The following PIEZO2 variants were observed in gnomAD, a reference collection of about 807,000 sequenced individuals.
PIEZO2 encodes piezo type mechanosensitive ion channel component 2.
In PIEZO2, 172 loss-of-function variants were observed where a neutral mutation model predicts 337.3. The observed-to-expected ratio is 0.51, with a 90% confidence interval of 0.45 to 0.58. The LOEUF (loss-of-function observed/expected upper bound fraction) is 0.58, where lower values mean the gene tolerates loss of function less well. PIEZO2 is among the 20% of genes least tolerant of loss of function. PIEZO2 has a pLI of 0.00. For synonymous variants in PIEZO2, 1,251 were observed against 1,228.5 expected, an observed-to-expected ratio of 1.02 and a Z score of -0.38; for missense variants, 3,028 against 3,391.3, an observed-to-expected ratio of 0.89 and a Z score of 2.66.
rs1306898298 is a variant in PIEZO2, at chr18:11,031,314, A to G, written c.160+34813T>C. 1.3e-5 allele frequency among the ~76,000 whole-genome samples: 2 copies of G among 151,610 alleles called. No homozygotes were observed. Among genetic ancestry groups the G allele is most frequent in the African/African-American group, 2.4e-5 (1 of 41,288 alleles). The stretch of plus-strand genomic sequence containing the variant: ...GCGCCTGGCCTGGAATTTTTTTTTA[A>G]TAAGCCCATCAGGACCTTTCATAAC... On this transcript the variant is annotated intron_variant, in intron 2 of 55. Coordinates refer to ENST00000674853, the MANE Select transcript of PIEZO2 (RefSeq NM_001378183.1). The surrounding 1 kb of genome is among the most constrained non-coding windows in gnomAD (Gnocchi z 4.7).
At chr18:10,818,600 CAT>C (rs1260503303) in intron 7 of PIEZO2, among the ~76,000 whole-genome samples, 1 of 152,126 alleles carries the variant, frequency 6.6e-6, no homozygotes, top group Non-Finnish European at 1.5e-5. Flanking sequence ...ATAAGAATTG[CAT>C]ACTGAGAATT....
rs936263537 is a variant in PIEZO2, at chr18:10,872,194, C to T, written c.330-779G>A. On this transcript the variant is annotated intron_variant, in intron 4 of 55. Coordinates refer to ENST00000674853, the MANE Select transcript of PIEZO2 (RefSeq NM_001378183.1). This position sits in a 1 kb window ranked among gnomAD's most constrained non-coding sequence, Gnocchi z 4.3. ...AATGAAACACATATTTTCACTAAGC[C>T]TACATTTTGAGAAGAGCAGCATCAA... 6.6e-6 allele frequency among the ~76,000 whole-genome samples: 1 copy of T among 152,122 alleles called. No individual in the cohort carries two copies. The highest frequency in any genetic ancestry group is 1.5e-5 in the Non-Finnish European group (1 of 68,030).
intron 36 of PIEZO2, among the ~76,000 whole-genome samples, chr18:10,721,859 A>G (rs1355925906): frequency 1.3e-5 from 2 of 152,204 alleles, no homozygotes; most frequent in Admixed American, 6.5e-5. Flanking sequence ...TTCATAGAAT[A>G]AAAATTTAAG....
rs373983612 is a variant in PIEZO2, at chr18:11,009,514, C to T, written c.161-29854G>A. 1.6e-4 allele frequency among the ~76,000 whole-genome samples: 24 copies of T among 152,264 alleles called. No individual in the cohort carries two copies. The South Asian group carries it at 2.7e-3, about 17-fold the overall frequency. ...CTGGTTGAGGCGCGTGTGAGAGCAG[C>T]GTATGAGAGTAGCAGCACCTTTCTT... On this transcript the variant is annotated intron_variant, in intron 2 of 55. Transcript: ENST00000674853. This position sits in a 1 kb window ranked among gnomAD's most constrained non-coding sequence, Gnocchi z 4.6.
chr18:11,013,711 C>G lies in PIEZO2; in HGVS notation c.161-34051G>C, dbSNP rs367663772. 1.1e-4 allele frequency among the ~76,000 whole-genome samples: 16 copies of G among 152,300 alleles called. No individual in the cohort carries two copies. The South Asian group carries it at 2.5e-3, about 24-fold the overall frequency. On this transcript the variant is annotated intron_variant, in intron 2 of 55. Coordinates refer to ENST00000674853, the MANE Select transcript of PIEZO2 (RefSeq NM_001378183.1). ...ATGCAACATTCTAATTCATTAGGAA[C>G]ATTTAGAGTCCACCTGGATGGTCTC...
rs9961728 is a variant in PIEZO2 at position 11,109,185 on chromosome 18, A to G, written c.64+39340T>C. On this transcript the variant is annotated intron_variant, in intron 1 of 55. Transcript: ENST00000674853. This position sits in a 1 kb window ranked among gnomAD's most constrained non-coding sequence, Gnocchi z 5.1. ...AACCACACATCTTGACAACTCCACC[A>G]CGTCCATAACCTCATGGAAGTGCAG... 0.11 allele frequency among the ~76,000 whole-genome samples: 16,981 copies of G among 152,150 alleles called. 1,227 individuals carry two copies. Among genetic ancestry groups the G allele is most frequent in the African/African-American group, 0.2 (8,458 of 41,480 alleles).
intron 3 of PIEZO2, among the ~76,000 whole-genome samples, chr18:10,926,594 G>T (rs1219902259): frequency 6.6e-6 from 1 of 152,084 alleles, no homozygotes; most frequent in Non-Finnish European, 1.5e-5. Flanking sequence ...TGCTAATTGA[G>T]CATTTTTTCC....
chr18:11,060,055 G>A (rs1344862934), intron 2 of PIEZO2, among the ~76,000 whole-genome samples: 5 of 152,226 alleles, frequency 3.3e-5, no homozygotes, highest in Non-Finnish European at 5.9e-5. Flanking sequence ...ATAAGAAACT[G>A]TCTCTCAGAC....
rs2143750506 is a variant in PIEZO2, at chr18:10,750,796, TA to T, written c.4168-610del. ...GTATGAATCATTGCAAGCAAATACA[TA>T]AATGTGACAGATACATTGTGTGCAT... On this transcript the variant is annotated intron_variant, in intron 28 of 55. Coordinates refer to ENST00000674853, the MANE Select transcript of PIEZO2 (RefSeq NM_001378183.1). The surrounding 1 kb of genome is among the most constrained non-coding windows in gnomAD (Gnocchi z 4.1). 6.6e-6 allele frequency among the ~76,000 whole-genome samples: 1 copy of T among 152,322 alleles called. No individual in the cohort carries two copies. Among genetic ancestry groups the T allele is most frequent in the East Asian group, 1.9e-4 (1 of 5,186 alleles).
In PIEZO2 at chr18:11,033,890, T is replaced by G. The variant is rs141820938; in HGVS notation, c.160+32237A>C. Among the ~76,000 whole-genome samples, 32 of 152,232 alleles carry G rather than the reference T, an allele frequency of 2.1e-4. No individual in the cohort carries two copies. The highest frequency in any genetic ancestry group is 3.1e-4 in the Non-Finnish European group (21 of 68,020). On this transcript the variant is annotated intron_variant, in intron 2 of 55. Coordinates refer to ENST00000674853, the MANE Select transcript of PIEZO2 (RefSeq NM_001378183.1). The surrounding 1 kb of genome is among the most constrained non-coding windows in gnomAD (Gnocchi z 4.2). ...TTTTCCTAACTTTCCACCAAAAATA[T>G]TATCTTCAGACTTTACCGGGTTGGT...
Position 10,773,768 on chromosome 18 carries a change from G to T in PIEZO2, c.2568-139C>A. The T allele has an allele frequency of 2.5e-6, 2 of 811,062 alleles. No homozygotes were observed. Among genetic ancestry groups the T allele is most frequent in the Non-Finnish European group, 3.8e-6 (2 of 524,952 alleles). The allele number at this position is 811,062 out of a possible 1,614,324, so 50.2% of individuals were successfully genotyped here. On this transcript the variant is annotated intron_variant, in intron 19 of 55. Transcript: ENST00000674853. The surrounding 1 kb of genome is among the most constrained non-coding windows in gnomAD (Gnocchi z 5.3). ...TCACAAGGTGGGGTGTTAGCGTTTT[G>T]TCACTTTCTTTTTGGTTGGTTTGTT...
rs1156326498 is a variant in PIEZO2 at position 11,127,743 on chromosome 18, A to ATATATATGACATATATAGG, written c.64+20763_64+20781dup. Among the ~76,000 whole-genome samples, 16 of 151,266 alleles carry ATATATATGACATATATAGG rather than the reference A, an allele frequency of 1.1e-4. No homozygotes were observed. Among genetic ancestry groups the ATATATATGACATATATAGG allele is most frequent in the African/African-American group, 3.9e-4 (16 of 41,146 alleles). On this transcript the variant is annotated intron_variant, in intron 1 of 55. Transcript: ENST00000674853. This position sits in a 1 kb window ranked among gnomAD's most constrained non-coding sequence, Gnocchi z 4.5. ...TATACACACATATATATGTATGTGT[A>ATATATATGACATATATAGG]TATATATGACATATATAGGTATATA...
intron 4 of PIEZO2, among the ~76,000 whole-genome samples, chr18:10,906,257 A>C (rs1480904842): frequency 6.6e-6 from 1 of 152,270 alleles, no homozygotes; most frequent in Non-Finnish European, 1.5e-5. Flanking sequence ...GCATCAAATA[A>C]AATCACATAC....
intron 4 of PIEZO2, among the ~76,000 whole-genome samples, chr18:10,889,900 C>T (rs545875272): frequency 3.9e-5 from 6 of 152,320 alleles, no homozygotes; most frequent in African/African-American, 9.6e-5. Flanking sequence ...GGCTCCCCAT[C>T]GGGGTCCCAC....
chr18:10,916,116 T>A (rs751895873), intron 3 of PIEZO2, among the ~76,000 whole-genome samples: 2 of 152,136 alleles, frequency 1.3e-5, no homozygotes, highest in Admixed American at 6.5e-5. Flanking sequence ...GAGCACTGAT[T>A]GGTGCGTTTA....
In PIEZO2 at chr18:11,070,642, C is replaced by T. The variant is rs8085688; in HGVS notation, c.65-4420G>A. Reference sequence around the variant, plus strand: ...AGGGAGACTAGACTGTCGTGACTGCCGGTAAGGATGTCCTTGCAGGCCCTC... The same window carrying T: ...AGGGAGACTAGACTGTCGTGACTGCTGGTAAGGATGTCCTTGCAGGCCCTC... On this transcript the variant is annotated intron_variant, in intron 1 of 55. Transcript: ENST00000674853. The surrounding 1 kb of genome is among the most constrained non-coding windows in gnomAD (Gnocchi z 4.3). 0.64 allele frequency among the ~76,000 whole-genome samples: 97,524 copies of T among 152,100 alleles called. 32,082 individuals carry two copies. The highest frequency in any genetic ancestry group is 0.97 in the East Asian group (5,027 of 5,186).
In PIEZO2 at chr18:10,834,068, G is replaced by C. The variant is rs537535052; in HGVS notation, c.917+21285C>G. 6.6e-6 allele frequency among the ~76,000 whole-genome samples: 1 copy of C among 152,324 alleles called. No homozygotes were observed. The highest frequency in any genetic ancestry group is 6.5e-5 in the Admixed American group (1 of 15,308). On this transcript the variant is annotated intron_variant, in intron 7 of 55. Coordinates refer to ENST00000674853, the MANE Select transcript of PIEZO2 (RefSeq NM_001378183.1). The surrounding 1 kb of genome is among the most constrained non-coding windows in gnomAD (Gnocchi z 4.5). ...GTATATGGGGCACAGGTGATGTTTTGATACAGACATGCAATGTGTAACAAT... is the reference window on the plus strand; with the variant it reads ...GTATATGGGGCACAGGTGATGTTTTCATACAGACATGCAATGTGTAACAAT...
intron 2 of PIEZO2, among the ~76,000 whole-genome samples, chr18:10,998,561 A>C (rs1045428961): frequency 1.3e-5 from 2 of 152,168 alleles, no homozygotes; most frequent in Admixed American, 1.3e-4. Context: ...TGAATAATTC[A>C]AAGATGTGTC....
rs755373555 is a variant in PIEZO2, at chr18:10,794,726, G to A, written c.1758+46C>T. The A allele has an allele frequency of 3.2e-5, 42 of 1,307,008 alleles. No individual in the cohort carries two copies. The highest frequency in any genetic ancestry group is 2.5e-4 in the Middle Eastern group (1 of 3,932). The allele number at this position is 1,307,008 out of a possible 1,614,324, so 81.0% of individuals were successfully genotyped here. On this transcript the variant is annotated intron_variant, in intron 13 of 55. Transcript: ENST00000674853. This position sits in a 1 kb window ranked among gnomAD's most constrained non-coding sequence, Gnocchi z 6.6. ...CTTGGATACGATTATGATGATGATT[G>A]TGGTTTTGTGTCATTGTTTTGTTTT...
Sources: gnomAD v4.1 joint callset for allele counts (sites outside exome capture counted in the v4.1 genomes callset) on GRCh38, gnomAD v4.1.1 for gene constraint, Gnocchi (gnomAD v3.1) non-coding constraint, MANE v1.5 for transcripts, NCBI Gene and HGNC (gene_info 2026-07-23, HGNC 2026-07-21) for gene names.